COL23A1: variants seen among roughly 807,000 people sequenced by gnomAD.
COL23A1 encodes collagen alpha-1(XXIII) chain.
In COL23A1, 97 loss-of-function variants were observed where a neutral mutation model predicts 99.3. That is an observed-to-expected ratio of 0.98 (90% CI 0.83 to 1.16). The LOEUF (loss-of-function observed/expected upper bound fraction) is 1.16. COL23A1 is among the 50% of genes most tolerant of loss of function. The pLI, the probability that COL23A1 is intolerant of heterozygous loss-of-function variation, is 0.00. For missense variants in COL23A1, 762 were observed against 757.4 expected (o/e 1.01, Z -0.07); for synonymous variants, 320 against 308.2 (o/e 1.04, Z -0.40).
Position 178,258,262 on chromosome 5 carries a change from T to TATATATATACAC in COL23A1, c.730-696_730-695insGTGTATATATAT. 2.2e-3 allele frequency among the ~76,000 whole-genome samples: 230 copies of TATATATATACAC among 104,104 alleles called. 29 individuals carry two copies. The highest frequency in any genetic ancestry group is 5.4e-3 in the South Asian group (14 of 2,580). The allele number at this position is 104,104 out of a possible 152,430, so 68.3% of individuals were successfully genotyped here. A position where few individuals can be genotyped will look rare whatever the true frequency, so the allele number is the denominator to read the frequency against. ...ATATATATATATATATATATATATATACACATGCAAATCAATTCTAGGCAC... is the reference window on the plus strand; with the variant it reads ...ATATATATATATATATATATATATATATATATATACACACACATGCAAATCAATTCTAGGCAC... On this transcript the variant is annotated intron_variant, in intron 12 of 28. Transcript: ENST00000390654.
chr5:178,506,304 C>T (rs991138421), intron 2 of COL23A1, among the ~76,000 whole-genome samples: 1 of 152,238 alleles, frequency 6.6e-6, no homozygotes, highest in African/African-American at 2.4e-5. Flanking sequence ...AGGCCTCAGG[C>T]TTCCTGGGTG....
chr5:178,319,700 G>T (rs1467411431), intron 2 of COL23A1, among the ~76,000 whole-genome samples: 1 of 152,226 alleles, frequency 6.6e-6, no homozygotes, highest in East Asian at 1.9e-4. Flanking sequence ...GAGTGCAGCA[G>T]CCCGGCATGG....
At chr5:178,377,530 T>C (rs1404019561) in intron 2 of COL23A1, among the ~76,000 whole-genome samples, 1 of 152,212 alleles carries the variant, frequency 6.6e-6, no homozygotes, top group African/African-American at 2.4e-5. Flanking sequence ...TTTTGCCTTT[T>C]CTTCACCCTC....
At chr5:178,495,983 A>G (rs899075607) in intron 2 of COL23A1, among the ~76,000 whole-genome samples, 2 of 152,212 alleles carry the variant, frequency 1.3e-5, no homozygotes, top group African/African-American at 4.8e-5. Context: ...GGTAAGTGGC[A>G]GAGAGATACG....
intron 2 of COL23A1, among the ~76,000 whole-genome samples, chr5:178,330,810 C>T (rs918774405): frequency 6.6e-6 from 1 of 152,222 alleles, no homozygotes; most frequent in African/African-American, 2.4e-5. Flanking sequence ...GCACAATCCT[C>T]TTTCAGGGCA....
intron 2 of COL23A1, among the ~76,000 whole-genome samples, chr5:178,517,145 T>C (rs554433896): frequency 6.6e-6 from 1 of 152,302 alleles, no homozygotes; most frequent in Non-Finnish European, 1.5e-5. Context: ...TGGTGAGCCA[T>C]ACCAAGGAAC....
intron 2 of COL23A1, among the ~76,000 whole-genome samples, chr5:178,523,157 TATATAC>T (rs1259924038): frequency 5.3e-5 from 4 of 76,082 alleles, no homozygotes; most frequent in African/African-American, 1.5e-4. Context: ...TATATATATA[TATATAC>T]ATATATATAT....
intron 2 of COL23A1, among the ~76,000 whole-genome samples, chr5:178,495,245 C>T (rs1339134243): frequency 1.3e-5 from 2 of 152,218 alleles, no homozygotes; most frequent in Admixed American, 6.5e-5. Context: ...CAGAGGCACC[C>T]TCTGCACAGC....
chr5:178,304,969 A>G (rs1386595886), intron 3 of COL23A1, among the ~76,000 whole-genome samples: 2 of 152,182 alleles, frequency 1.3e-5, no homozygotes, highest in Non-Finnish European at 2.9e-5. Flanking sequence ...CTTGAGTCAT[A>G]AGTTAAATGG....
Position 178,238,561 on chromosome 5 carries a change from G to A in COL23A1, c.*137C>T. 1 of 1,178,484 alleles carries A rather than the reference G, an allele frequency of 8.5e-7. No homozygotes were observed. 73.0% of individuals were successfully genotyped at this position (1,178,484 alleles called of 1,614,324 possible). A position where few individuals can be genotyped will look rare whatever the true frequency, so the allele number is the denominator to read the frequency against. On this transcript the variant is annotated 3_prime_UTR_variant, in exon 29 of 29. Transcript: ENST00000390654. ...TTCACATGCCGGTGGCTTTGGGGCT[G>A]GGTGGGCATACTCTTGAATGTTAAA...
rs369959572 is a variant in COL23A1, at chr5:178,386,325, GC to G, written c.362-79407del. Among the ~76,000 whole-genome samples, 92 of 152,212 alleles carry G rather than the reference GC, an allele frequency of 6.0e-4. 1 individual carries two copies. In the South Asian group the frequency reaches 0.018, roughly 29 times the overall value. The stretch of plus-strand genomic sequence containing the variant: ...ATGGAAGCATGCGCCTGTAGTCCCA[GC>G]TGCTTGGGAGGCTGAGGCAGGAGAA... On this transcript the variant is annotated intron_variant, in intron 2 of 28. Coordinates refer to ENST00000390654, the MANE Select transcript of COL23A1 (RefSeq NM_173465.4).
At chr5:178,300,243 G>GT in intron 3 of COL23A1, among the ~76,000 whole-genome samples, 1 of 149,276 alleles carries the variant, frequency 6.7e-6, no homozygotes, top group East Asian at 2.0e-4. Flanking sequence ...CTAATTTTTT[G>GT]TATTTTTTTT....
intron 2 of COL23A1, among the ~76,000 whole-genome samples, chr5:178,405,057 C>T (rs1417737699): frequency 6.6e-6 from 1 of 152,238 alleles, no homozygotes; most frequent in African/African-American, 2.4e-5. Context: ...TCAGGCTTGG[C>T]CAGGTGACCC....
intron 2 of COL23A1, among the ~76,000 whole-genome samples, chr5:178,359,463 G>A (rs1317688208): frequency 6.6e-6 from 1 of 152,190 alleles, no homozygotes; most frequent in Non-Finnish European, 1.5e-5. Context: ...GGGAGGTGGA[G>A]TTTGCAGTGA....
intron 2 of COL23A1, among the ~76,000 whole-genome samples, chr5:178,484,033 G>A (rs1162616174): frequency 6.6e-6 from 1 of 152,052 alleles, no homozygotes; most frequent in African/African-American, 2.4e-5. Context: ...CCAGGTTCAA[G>A]CGATTCTCCT....
chr5:178,529,135 T>A (rs1308431068), intron 2 of COL23A1, among the ~76,000 whole-genome samples: 1 of 152,238 alleles, frequency 6.6e-6, no homozygotes, highest in African/African-American at 2.4e-5. Context: ...TATGGCCTTG[T>A]CGTCCAAGGA....
chr5:178,410,949 A>G (rs779505129), intron 2 of COL23A1, among the ~76,000 whole-genome samples: 13 of 152,224 alleles, frequency 8.5e-5, no homozygotes, highest in Non-Finnish European at 1.5e-4. Flanking sequence ...TCAACAATAA[A>G]AATACAAACA....
intron 15 of COL23A1, chr5:178,256,036 A>AAACAGAGGACCTGTGTCGTATGCCT: frequency 3.8e-6 from 1 of 263,050 alleles, no homozygotes; most frequent in Non-Finnish European, 7.5e-6. Context: ...GGCATACGAC[A>AAACAGAGGACCTGTGTCGTATGCCT]AACAGAGGAC....
In COL23A1 at chr5:178,340,066, C is replaced by T. The variant is rs529322211; in HGVS notation, c.362-33147G>A. ...GATGAGGGGTCGATGAATGGATGGA[C>T]GGGTTAGGGAGATGAATTCTGGTGT... is the stretch of plus-strand genomic sequence containing the variant. On this transcript the variant is annotated intron_variant, in intron 2 of 28. Transcript: ENST00000390654. The surrounding 1 kb of genome is among the most constrained non-coding windows in gnomAD (Gnocchi z 4.7). Among the ~76,000 whole-genome samples, 56 of 152,124 alleles carry T rather than the reference C, an allele frequency of 3.7e-4. No homozygotes were observed. The highest frequency in any genetic ancestry group is 7.1e-4 in the Non-Finnish European group (48 of 67,982).
Sources: gnomAD v4.1 joint callset for allele counts (sites outside exome capture counted in the v4.1 genomes callset) on GRCh38, gnomAD v4.1.1 for gene constraint, Gnocchi (gnomAD v3.1) non-coding constraint, MANE v1.5 for transcripts, NCBI Gene and HGNC (gene_info 2026-07-23, HGNC 2026-07-21) for gene names.